The following GOLIM4 variants were observed in gnomAD, a reference collection of about 807,000 sequenced individuals.
GOLIM4 encodes golgi integral membrane protein 4.
Under a neutral mutation model 107.4 loss-of-function variants are expected in GOLIM4, and 71 were observed. The ratio of observed to expected loss-of-function variants is 0.66; its 90% CI spans 0.55 to 0.81. The LOEUF is 0.81. Among genes scored for constraint, GOLIM4 ranks in the 30% least tolerant of loss-of-function variants. The probability of loss-of-function intolerance (pLI) is 0.00; values close to 1 mark genes in which losing one functional copy is unlikely to be tolerated. For missense variants in GOLIM4, 830 were observed against 826.1 expected, an observed-to-expected ratio of 1.00 and a Z score of -0.06; for synonymous variants, 327 against 294.8, an observed-to-expected ratio of 1.11 and a Z score of -1.12.
chr3:168,095,224 G>A lies in GOLIM4; in HGVS notation c.62C>T (p.Thr21Ile). 1 of 1,613,620 alleles carries A rather than the reference G, an allele frequency of 6.2e-7. No individual in the cohort carries two copies. The highest frequency in any genetic ancestry group is 8.5e-7 in the Non-Finnish European group (1 of 1,179,964). Residue 21 changes from threonine (T) to isoleucine (I), a missense_variant, in exon 1 of 16, where the codon ACC (threonine) becomes ATC (isoleucine). Coordinates refer to ENST00000470487, the MANE Select transcript of GOLIM4 (RefSeq NM_014498.5). ...GCCGTAGAGAAAGCCGAACACGACG[G>A]TCAGCAGCAGCAGCGTCTGGAAAAT... ...KRIFQTLLLLTVVFGFLYGAM... is the reference protein window; with the variant it reads ...KRIFQTLLLLIVVFGFLYGAM...
In GOLIM4 at chr3:168,095,346, A is replaced by C; in HGVS notation, c.-61T>G. The C allele has an allele frequency of 6.7e-7, 1 of 1,490,736 alleles. No homozygotes were observed. Among genetic ancestry groups the C allele is most frequent in the Non-Finnish European group, 9.2e-7 (1 of 1,086,884 alleles). 92.3% of individuals were successfully genotyped at this position (1,490,736 alleles called of 1,614,324 possible). A position where few individuals can be genotyped will look rare whatever the true frequency, so the allele number is the denominator to read the frequency against. ...CCGTCTCCTCCCCTTGGTCCGAGCGAGCGTCTCAGCAGCGGCCGCCGCAGT... is the reference window on the plus strand; with the variant it reads ...CCGTCTCCTCCCCTTGGTCCGAGCGCGCGTCTCAGCAGCGGCCGCCGCAGT... On this transcript the variant is annotated 5_prime_UTR_variant, in exon 1 of 16. Transcript: ENST00000470487.
At chr3:168,018,641 T>A (rs1577504191) in intron 14 of GOLIM4, among the ~76,000 whole-genome samples, 1 of 152,206 alleles carries the variant, frequency 6.6e-6, no homozygotes, top group East Asian at 1.9e-4. Flanking sequence ...CATAGTGACA[T>A]TCCACAGGAC....
At chr3:168,085,577 T>G (rs1346422878) in intron 1 of GOLIM4, among the ~76,000 whole-genome samples, 1 of 152,138 alleles carries the variant, frequency 6.6e-6, no homozygotes, top group African/African-American at 2.4e-5. Context: ...AGTACTAAAT[T>G]TAAAAAGGCC....
At chr3:168,030,816 G>A (rs964002221) in intron 9 of GOLIM4, among the ~76,000 whole-genome samples, 23 of 152,094 alleles carry the variant, frequency 1.5e-4, no homozygotes, top group African/African-American at 5.3e-4. Context: ...TCCTCAAAAA[G>A]CTAAAAATAG....
intron 5 of GOLIM4, among the ~76,000 whole-genome samples, 175 bp downstream of exon 5, chr3:168,043,204 A>ACCAAC (rs1719117232): frequency 6.6e-6 from 1 of 152,198 alleles, no homozygotes; most frequent in Non-Finnish European, 1.5e-5. Flanking sequence ...GCTTCCCTAA[A>ACCAAC]CCAACCCAAA....
intron 5 of GOLIM4, among the ~76,000 whole-genome samples, chr3:168,042,256 CAG>C (rs1310415374): frequency 6.6e-6 from 1 of 150,972 alleles, no homozygotes; most frequent in South Asian, 2.1e-4. Flanking sequence ...TTTTTTTTGA[CAG>C]AGTCTCTCTC....
intron 14 of GOLIM4, among the ~76,000 whole-genome samples, chr3:168,021,225 G>A (rs1717660816): frequency 6.6e-6 from 1 of 152,174 alleles, no homozygotes; most frequent in African/African-American, 2.4e-5. Flanking sequence ...AAGATATTAT[G>A]GGTGTGCCAG....
intron 1 of GOLIM4, among the ~76,000 whole-genome samples, chr3:168,071,620 C>T (rs1381882454): frequency 6.7e-6 from 1 of 150,250 alleles, no homozygotes; most frequent in African/African-American, 2.5e-5. Flanking sequence ...CTGGGGCAAA[C>T]CAGACAATCT....
intron 1 of GOLIM4, 27 bp downstream of exon 1, chr3:168,095,072 C>A (rs766718781): frequency 6.4e-7 from 1 of 1,570,620 alleles, no homozygotes; most frequent in South Asian, 1.1e-5. Context: ...AGTTGGCCAC[C>A]GGCTGCGCGC....
intron 1 of GOLIM4, among the ~76,000 whole-genome samples, chr3:168,078,377 T>C (rs1391984543): frequency 6.6e-6 from 1 of 152,196 alleles, no homozygotes; most frequent in East Asian, 1.9e-4. Context: ...CACTGCCCTT[T>C]TGCCATTTAT....
intron 1 of GOLIM4, among the ~76,000 whole-genome samples, chr3:168,049,239 A>C (rs1719485001): frequency 6.6e-6 from 1 of 152,186 alleles, no homozygotes. Flanking sequence ...AGCAAGCAGA[A>C]GCTGGACAGG....
intron 1 of GOLIM4, among the ~76,000 whole-genome samples, chr3:168,064,930 A>C (rs935398454): frequency 6.6e-6 from 1 of 152,018 alleles, no homozygotes; most frequent in Non-Finnish European, 1.5e-5. Flanking sequence ...ATATAACTTA[A>C]ATAGGACTGA....
intron 1 of GOLIM4, among the ~76,000 whole-genome samples, chr3:168,069,834 A>C (rs1720747986): frequency 6.6e-6 from 1 of 152,246 alleles, no homozygotes; most frequent in Non-Finnish European, 1.5e-5. Flanking sequence ...TTAAAAGCGG[A>C]TCATTAGTGA....
chr3:168,095,502 A>C lies in GOLIM4; in HGVS notation c.-217T>G. On this transcript the variant is annotated 5_prime_UTR_variant, in exon 1 of 16. Coordinates refer to ENST00000470487, the MANE Select transcript of GOLIM4 (RefSeq NM_014498.5). ...GACGCCGCCCGGGCAGCTGCAGCCA[A>C]ACTTCTGCGAGGCTCGTTCTCCGCG... 1 of 503,040 alleles carries C rather than the reference A, an allele frequency of 2.0e-6. No homozygotes were observed. Among genetic ancestry groups the C allele is most frequent in the Non-Finnish European group, 3.5e-6 (1 of 286,874 alleles). 31.2% of individuals were successfully genotyped at this position (503,040 alleles called of 1,614,324 possible).
chr3:168,023,298 GC>G (rs1362748233), intron 14 of GOLIM4, among the ~76,000 whole-genome samples: 1 of 152,100 alleles, frequency 6.6e-6, no homozygotes. Context: ...TATTTTCTCT[GC>G]TGCTCTCTTT....
At chr3:168,036,522 A>G (rs928952740) in intron 8 of GOLIM4, among the ~76,000 whole-genome samples, 1 of 152,070 alleles carries the variant, frequency 6.6e-6, no homozygotes, top group Non-Finnish European at 1.5e-5. Flanking sequence ...AGCCTGGACG[A>G]CGTAGCATGA....
chr3:168,015,459 T>C (rs1717309942), intron 14 of GOLIM4, among the ~76,000 whole-genome samples: 1 of 136,582 alleles, frequency 7.3e-6, no homozygotes. Flanking sequence ...AAAATGGCCA[T>C]ACTGCCCAAG....
intron 12 of GOLIM4, among the ~76,000 whole-genome samples, chr3:168,026,946 C>T (rs1221638036): frequency 4.6e-5 from 7 of 152,122 alleles, no homozygotes; most frequent in African/African-American, 1.7e-4. Context: ...TAGCACAGAC[C>T]GACTGTTATA....
chr3:168,079,652 A>G (rs990833799), intron 1 of GOLIM4, among the ~76,000 whole-genome samples: 3 of 152,170 alleles, frequency 2.0e-5, no homozygotes, highest in Non-Finnish European at 4.4e-5. Context: ...TACTTTGTTC[A>G]GGGTTTTAAT....
Sources: gnomAD v4.1 joint callset for allele counts (sites outside exome capture counted in the v4.1 genomes callset) on GRCh38, gnomAD v4.1.1 for gene constraint, MANE v1.5 for transcripts, NCBI Gene and HGNC (gene_info 2026-07-23, HGNC 2026-07-21) for gene names.